Variants in RALYL observed in about 807,000 individuals in gnomAD.
RALYL encodes the protein RALY RNA binding protein like.
Under a neutral mutation model 35.1 loss-of-function variants are expected in RALYL, and 29 were observed. The observed-to-expected ratio is 0.83, with a 90% CI of 0.61 to 1.13. The LOEUF is 1.13. RALYL is among the 50% of genes most tolerant of loss of function. The pLI, the probability that RALYL is intolerant of heterozygous loss-of-function variation, is 0.00. For synonymous variants in RALYL, 120 were observed against 127.6 expected (o/e 0.94, Z 0.40); for missense variants, 359 against 360.4 (o/e 1.00, Z 0.03).
At chr8:84,804,732 T>A in intron 3 of RALYL, 38 bp from the exon 4 acceptor site, 1 of 1,084,196 alleles carries the variant, frequency 9.2e-7, no homozygotes. Flanking sequence ...ATACAGCAAA[T>A]TTTTATATTA....
At chr8:84,351,558 C>G (rs1297654583) in intron 1 of RALYL, among the ~76,000 whole-genome samples, 1 of 149,612 alleles carries the variant, frequency 6.7e-6, no homozygotes, top group East Asian at 1.9e-4. Context: ...ATGTGGCCAA[C>G]TAGATACCCT....
chr8:84,584,428 C>A (rs1359787745), intron 2 of RALYL, among the ~76,000 whole-genome samples: 1 of 152,002 alleles, frequency 6.6e-6, no homozygotes, highest in African/African-American at 2.4e-5. Context: ...CATGGTGAAA[C>A]CCCATCTCTA....
At chr8:84,185,197 CGCTGTTAGTTT>C in intron 1 of RALYL, 1 of 668,230 alleles carries the variant, frequency 1.5e-6, no homozygotes, top group Non-Finnish European at 2.7e-6. Flanking sequence ...TTGAGGACGA[CGCTGTTAGTTT>C]GCAGTAATGA....
intron 1 of RALYL, among the ~76,000 whole-genome samples, chr8:84,224,082 C>G (rs1248274067): frequency 6.6e-6 from 1 of 152,102 alleles, no homozygotes; most frequent in East Asian, 1.9e-4. Context: ...CTAATACCAC[C>G]CTTATACATA....
At chr8:84,482,819 A>C (rs2054186322) in intron 1 of RALYL, among the ~76,000 whole-genome samples, 1 of 152,204 alleles carries the variant, frequency 6.6e-6, no homozygotes, top group African/African-American at 2.4e-5. Context: ...CCATGGCATA[A>C]GTTTAATAGC....
chr8:84,845,127 T>A, intron 4 of RALYL, among the ~76,000 whole-genome samples: 1 of 151,944 alleles, frequency 6.6e-6, no homozygotes, highest in South Asian at 2.1e-4. Context: ...ATAAAAAAAT[T>A]AAAAAAAATA....
chr8:84,393,624 C>A (rs149434106), intron 1 of RALYL, among the ~76,000 whole-genome samples: 2 of 152,172 alleles, frequency 1.3e-5, no homozygotes, highest in African/African-American at 2.4e-5. Flanking sequence ...AACTTACTAT[C>A]CAGGATTAAT....
chr8:84,834,953 T>C (rs1379593513), intron 4 of RALYL, among the ~76,000 whole-genome samples: 1 of 152,116 alleles, frequency 6.6e-6, no homozygotes, highest in Non-Finnish European at 1.5e-5. Flanking sequence ...TACAATATAA[T>C]ATATTTAGAT....
chr8:84,809,629 TAATTTTTA>T (rs1825457268), intron 4 of RALYL, among the ~76,000 whole-genome samples: 1 of 152,112 alleles, frequency 6.6e-6, no homozygotes, highest in Non-Finnish European at 1.5e-5. Flanking sequence ...TTTTTGTTGG[TAATTTTTA>T]AATTACCATT....
intron 4 of RALYL, among the ~76,000 whole-genome samples, chr8:84,846,184 G>A (rs534111238): frequency 2.0e-4 from 31 of 152,222 alleles, no homozygotes; most frequent in African/African-American, 6.5e-4. Context: ...AAAAAATGAT[G>A]TTGGTAGTTT....
At chr8:84,572,915 T>G (rs1808365745) in intron 2 of RALYL, among the ~76,000 whole-genome samples, 1 of 151,574 alleles carries the variant, frequency 6.6e-6, no homozygotes, top group Admixed American at 6.6e-5. Flanking sequence ...TATAATTTTA[T>G]CTCTACTATT....
intron 8 of RALYL, among the ~76,000 whole-genome samples, chr8:84,920,506 C>T (rs953024142): frequency 1.3e-5 from 2 of 152,134 alleles, no homozygotes; most frequent in South Asian, 4.1e-4. Flanking sequence ...TTCAAAGCCT[C>T]GTAGTAGGGG....
intron 1 of RALYL, among the ~76,000 whole-genome samples, chr8:84,432,225 C>G (rs317945): frequency 0.059 from 8,955 of 152,124 alleles, 297 homozygotes; most frequent in Middle Eastern, 0.099. Context: ...CTGTCATATG[C>G]AACAACATGG....
chr8:84,536,876 T>C (rs1455873399), intron 2 of RALYL, among the ~76,000 whole-genome samples: 1 of 152,186 alleles, frequency 6.6e-6, no homozygotes, highest in Non-Finnish European at 1.5e-5. Flanking sequence ...GCAATAAGCA[T>C]ACAAAAATAT....
At chr8:84,682,418 C>T (rs1218013718) in intron 2 of RALYL, among the ~76,000 whole-genome samples, 3 of 152,178 alleles carry the variant, frequency 2.0e-5, no homozygotes, top group African/African-American at 7.2e-5. Context: ...AGGAATGGTA[C>T]TAGCTTTTCC....
At chr8:84,729,894 C>T (rs868695998) in intron 2 of RALYL, among the ~76,000 whole-genome samples, 18 of 151,992 alleles carry the variant, frequency 1.2e-4, no homozygotes, top group African/African-American at 2.7e-4. Context: ...AATAATCAAT[C>T]GCTTACCAAC....
chr8:84,819,191 A>G (rs1376346662), intron 4 of RALYL, among the ~76,000 whole-genome samples: 2 of 152,016 alleles, frequency 1.3e-5, no homozygotes, highest in African/African-American at 4.8e-5. Flanking sequence ...TACCAACTGC[A>G]TTTGCTTCAT....
intron 1 of RALYL, among the ~76,000 whole-genome samples, chr8:84,516,913 A>G (rs1173042378): frequency 2.0e-5 from 3 of 152,224 alleles, no homozygotes; most frequent in Non-Finnish European, 4.4e-5. Flanking sequence ...TTTCTGTCTC[A>G]TCAGCGTTGA....
chr8:84,392,556 A>T (rs1860935482), intron 1 of RALYL, among the ~76,000 whole-genome samples: 1 of 152,084 alleles, frequency 6.6e-6, no homozygotes, highest in Non-Finnish European at 1.5e-5. Flanking sequence ...GTGGAATTTT[A>T]GAAAGTATTA....
Sources: allele counts gnomAD v4.1 joint callset (sites outside exome capture counted in the v4.1 genomes callset), GRCh38; gene constraint gnomAD v4.1.1; transcripts MANE v1.5; gene names NCBI Gene and HGNC (gene_info 2026-07-23, HGNC 2026-07-21).